The following AFF3 variants were observed in gnomAD, a reference collection of about 807,000 sequenced individuals.
AFF3 encodes ALF transcription elongation factor 3, also known as AF4/FMR2 family member 3.
A neutral mutation model predicts 129.7 loss-of-function variants in AFF3; 32 were observed. The observed-to-expected ratio is 0.25, with a 90% CI of 0.19 to 0.33. AFF3 has a LOEUF of 0.33. Ranked by LOEUF, AFF3 falls within the 10% of genes least tolerant of loss-of-function variation. The pLI, the probability that AFF3 is intolerant of heterozygous loss-of-function variation, is 1.00. For synonymous variants in AFF3, 644 were observed against 635.4 expected, an observed-to-expected ratio of 1.01 and a Z score of -0.20; for missense variants, 1,373 against 1,592.0, an observed-to-expected ratio of 0.86 and a Z score of 2.34.
chr2:99,965,227 A>C (rs1323704242), intron 7 of AFF3, among the ~76,000 whole-genome samples: 2 of 152,230 alleles, frequency 1.3e-5, no homozygotes, highest in African/African-American at 2.4e-5. Flanking sequence ...CCACCTATTC[A>C]AAGAAAGGAC....
chr2:99,772,281 G>C (rs1179120321), intron 8 of AFF3, among the ~76,000 whole-genome samples: 1 of 152,188 alleles, frequency 6.6e-6, no homozygotes, highest in East Asian at 1.9e-4. Context: ...CCGTGTGCTT[G>C]GTCTGTGGGG....
intron 11 of AFF3, among the ~76,000 whole-genome samples, chr2:99,724,193 C>T (rs1679150042): frequency 6.6e-6 from 1 of 150,900 alleles, no homozygotes; most frequent in African/African-American, 2.4e-5. Context: ...TTGAGACCCA[C>T]ACCCCCTCTT....
At chr2:100,087,572 C>A (rs1278461447) in intron 4 of AFF3, among the ~76,000 whole-genome samples, 2 of 151,846 alleles carry the variant, frequency 1.3e-5, no homozygotes, top group African/African-American at 4.9e-5. Flanking sequence ...ATTATTCTTA[C>A]TTACAGGACT....
At chr2:99,757,284 G>A (rs546494313) in intron 8 of AFF3, among the ~76,000 whole-genome samples, 11 of 152,144 alleles carry the variant, frequency 7.2e-5, no homozygotes, top group Non-Finnish European at 1.2e-4. Flanking sequence ...GTGCTCATGA[G>A]CGATTCAAAC....
chr2:99,735,696 T>C lies in AFF3; in HGVS notation c.1039+8408A>G, dbSNP rs968898862. Among the ~76,000 whole-genome samples the C allele has an allele frequency of 2.0e-5, 3 of 152,194 alleles. No homozygotes were observed. The East Asian group carries it at 5.8e-4, about 29-fold the overall frequency. ...TTAGTAGAGATGGGGTTTCACCACG[T>C]TGGCCAGACTGGTCTCGAATTCCTG... On this transcript the variant is annotated intron_variant, in intron 10 of 24. Coordinates refer to ENST00000672756, the MANE Select transcript of AFF3 (RefSeq NM_001386135.1).
At chr2:100,117,079 A>G (rs948911777) in intron 2 of AFF3, among the ~76,000 whole-genome samples, 2 of 152,116 alleles carry the variant, frequency 1.3e-5, no homozygotes, top group Non-Finnish European at 2.9e-5. Flanking sequence ...GTCCTTGATT[A>G]TCAGCAGTTT....
intron 7 of AFF3, among the ~76,000 whole-genome samples, chr2:99,915,946 G>A (rs1367495262): frequency 6.6e-6 from 1 of 152,160 alleles, no homozygotes; most frequent in Non-Finnish European, 1.5e-5. Context: ...AGAAGAGTCT[G>A]AAATGCTGGC....
At chr2:99,837,677 T>C (rs1014725926) in intron 7 of AFF3, among the ~76,000 whole-genome samples, 153 bp from the exon 8 acceptor site, 1 of 152,096 alleles carries the variant, frequency 6.6e-6, no homozygotes, top group African/African-American at 2.4e-5. Context: ...GACAGGCTCC[T>C]TTCCCTAACA....
intron 11 of AFF3, among the ~76,000 whole-genome samples, chr2:99,700,303 T>TA (rs1676727143): frequency 6.6e-6 from 1 of 152,148 alleles, no homozygotes; most frequent in South Asian, 2.1e-4. Context: ...GTATTTTTGA[T>TA]AGAGACAGGG....
At chr2:99,723,288 C>A (rs1209206916) in intron 11 of AFF3, among the ~76,000 whole-genome samples, 1 of 152,188 alleles carries the variant, frequency 6.6e-6, no homozygotes, top group Non-Finnish European at 1.5e-5. Flanking sequence ...CATTGACCAT[C>A]TGAAACCAAT....
At chr2:100,138,425 T>C (rs946069876) in intron 1 of AFF3, among the ~76,000 whole-genome samples, 1 of 152,240 alleles carries the variant, frequency 6.6e-6, no homozygotes. Context: ...TGTTCTTACC[T>C]TTGCTTGCTG....
At position 99,594,097 on chromosome 2, in the gene AFF3, CCTT is replaced by C. The variant is rs762540363; in HGVS notation, c.1561_1563del (p.Lys521del). 10 of 1,614,074 alleles carry C rather than the reference CCTT, an allele frequency of 6.2e-6. No homozygotes were observed. In the Admixed American group the frequency reaches 1.3e-4, roughly 22 times the overall value. On this transcript the variant is annotated inframe_deletion, in exon 15 of 25. Transcript: ENST00000672756. ...TCCTCCTTGCAAGTGCTCTTGATCTCCTTCTCTCTCAGGCTGGGCTGGCAAACG... is the reference window on the plus strand; with the variant it reads ...TCCTCCTTGCAAGTGCTCTTGATCTCCTCTCTCAGGCTGGGCTGGCAAACG...
rs373262877 is a variant in AFF3 at position 100,006,851 on chromosome 2, T to C, written c.654A>G (p.Pro218=). 6.2e-7 allele frequency: 1 copy of C among 1,614,074 alleles called. No homozygotes were observed. Among genetic ancestry groups the C allele is most frequent in the African/African-American group, 1.3e-5 (1 of 74,920 alleles). The part of the protein sequence containing the change: ...SSGHCVQNFP[P]SLASKPSLVQ... ...CCAGGCTGGGTTTTGAAGCTAGGGATGGAGGAAAGTTCTGAACACAGTGTC... is the reference window on the plus strand; with the variant it reads ...CCAGGCTGGGTTTTGAAGCTAGGGACGGAGGAAAGTTCTGAACACAGTGTC... The change falls in exon 7 of 25, where the codon CCA becomes CCG. Residue 218 remains proline (P), a synonymous_variant. Coordinates refer to ENST00000672756, the MANE Select transcript of AFF3 (RefSeq NM_001386135.1).
At chr2:99,947,938 T>A in intron 7 of AFF3, among the ~76,000 whole-genome samples, 1 of 152,066 alleles carries the variant, frequency 6.6e-6, no homozygotes, top group East Asian at 1.9e-4. Context: ...GAAGAAAACA[T>A]GGACTCAGCA....
chr2:99,745,358 A>G (rs1307715963), intron 9 of AFF3, among the ~76,000 whole-genome samples: 2 of 152,320 alleles, frequency 1.3e-5, no homozygotes, highest in African/African-American at 4.8e-5. Flanking sequence ...TTGATGCACA[A>G]AAGTTCTAAA....
intron 8 of AFF3, among the ~76,000 whole-genome samples, chr2:99,788,800 C>T (rs1025840024): frequency 1.3e-5 from 2 of 152,264 alleles, no homozygotes; most frequent in Non-Finnish European, 1.5e-5. Flanking sequence ...AAGCTCCTTT[C>T]GTGGTAAGGG....
chr2:99,885,113 G>C (rs532183464), intron 7 of AFF3, among the ~76,000 whole-genome samples: 1 of 152,244 alleles, frequency 6.6e-6, no homozygotes, highest in East Asian at 1.9e-4. Flanking sequence ...ATAGTCCTCA[G>C]AGCCAAAAGC....
At chr2:99,722,203 T>G (rs1447029384) in intron 11 of AFF3, among the ~76,000 whole-genome samples, 1 of 152,166 alleles carries the variant, frequency 6.6e-6, no homozygotes, top group East Asian at 1.9e-4. Context: ...GCTTTATAAT[T>G]CTTGTCTGAA....
At chr2:99,585,481 A>C (rs1479191835) in intron 16 of AFF3, among the ~76,000 whole-genome samples, 1 of 152,186 alleles carries the variant, frequency 6.6e-6, no homozygotes, top group East Asian at 1.9e-4. Flanking sequence ...GTCACCACTT[A>C]ACAGCAACAA....
Sources: allele counts gnomAD v4.1 joint callset (sites outside exome capture counted in the v4.1 genomes callset), GRCh38; gene constraint gnomAD v4.1.1; transcripts MANE v1.5; gene names NCBI Gene and HGNC (gene_info 2026-07-23, HGNC 2026-07-21).